The following AUTS2 variants were observed in gnomAD, a reference collection of about 807,000 sequenced individuals.
AUTS2 encodes the protein activator of transcription and developmental regulator AUTS2.
In AUTS2, 17 loss-of-function variants were observed where a neutral mutation model predicts 112.4. The observed-to-expected ratio is 0.15, with a 90% CI of 0.10 to 0.23. AUTS2 has a LOEUF of 0.23. Among genes scored for constraint, AUTS2 ranks in the 10% least tolerant of loss-of-function variants. The pLI, the probability that AUTS2 is intolerant of heterozygous loss-of-function variation, is 1.00. For synonymous variants in AUTS2, 751 were observed against 702.7 expected (o/e 1.07, Z -1.09); for missense variants, 1,510 against 1,701.6 (o/e 0.89, Z 1.98).
intron 5 of AUTS2, among the ~76,000 whole-genome samples, chr7:70,614,740 G>A (rs867116516): frequency 6.6e-6 from 1 of 152,192 alleles, no homozygotes; most frequent in African/African-American, 2.4e-5. Flanking sequence ...CGGGGAGCAC[G>A]GCAGCAGAAC....
At chr7:69,662,147 T>C (rs1345131217) in intron 1 of AUTS2, among the ~76,000 whole-genome samples, 2 of 152,058 alleles carry the variant, frequency 1.3e-5, no homozygotes, top group Non-Finnish European at 2.9e-5. Flanking sequence ...AAAGAAACTC[T>C]TTCCTAATAA....
At chr7:70,195,067 G>A (rs1013818012) in intron 4 of AUTS2, among the ~76,000 whole-genome samples, 4 of 152,032 alleles carry the variant, frequency 2.6e-5, no homozygotes, top group Admixed American at 6.6e-5. Context: ...TGGCAGAAAC[G>A]CCATCTTAAA....
At chr7:70,691,112 T>A (rs189980336) in intron 5 of AUTS2, among the ~76,000 whole-genome samples, 169 of 152,334 alleles carry the variant, frequency 1.1e-3, no homozygotes, top group Non-Finnish European at 1.5e-3. Flanking sequence ...ACATTTTTTT[T>A]AAACTGATTA....
At chr7:70,580,599 T>C (rs1464397009) in intron 5 of AUTS2, among the ~76,000 whole-genome samples, 2 of 152,228 alleles carry the variant, frequency 1.3e-5, no homozygotes, top group Non-Finnish European at 2.9e-5. Context: ...GGTCTTCTGT[T>C]CGTCAACCTT....
At chr7:70,139,301 A>G (rs542307965) in intron 4 of AUTS2, among the ~76,000 whole-genome samples, 2 of 152,304 alleles carry the variant, frequency 1.3e-5, no homozygotes, top group South Asian at 2.1e-4. Context: ...TATTCTGTCT[A>G]ACCATAGTTG....
At chr7:70,668,429 G>C (rs1015576583) in intron 5 of AUTS2, among the ~76,000 whole-genome samples, 2 of 152,230 alleles carry the variant, frequency 1.3e-5, no homozygotes, top group Non-Finnish European at 2.9e-5. Context: ...CAAATTGCCA[G>C]CTCCCTGTGG....
At chr7:70,393,342 A>G (rs1331041272) in intron 4 of AUTS2, among the ~76,000 whole-genome samples, 1 of 152,156 alleles carries the variant, frequency 6.6e-6, no homozygotes, top group Non-Finnish European at 1.5e-5. Flanking sequence ...GAAGAGAGGA[A>G]TTGGTGTTTT....
At chr7:69,604,705 A>G (rs1792617351) in intron 1 of AUTS2, among the ~76,000 whole-genome samples, 1 of 152,234 alleles carries the variant, frequency 6.6e-6, no homozygotes, top group Admixed American at 6.5e-5. Flanking sequence ...GCTGGTGGAA[A>G]TGAGTACAAA....
chr7:69,864,144 A>G (rs1005651547), intron 1 of AUTS2, among the ~76,000 whole-genome samples: 3 of 152,228 alleles, frequency 2.0e-5, no homozygotes, highest in Non-Finnish European at 4.4e-5. Flanking sequence ...AGCAGGTGCC[A>G]TGCCTCCAAT....
intron 5 of AUTS2, among the ~76,000 whole-genome samples, chr7:70,582,029 C>T (rs1447662720): frequency 6.7e-6 from 1 of 149,580 alleles, no homozygotes; most frequent in Non-Finnish European, 1.5e-5. Context: ...CTTGTCTTAC[C>T]CAACCCACTT....
chr7:70,553,760 CT>C (rs71531706), intron 5 of AUTS2, among the ~76,000 whole-genome samples: 11,272 of 56,824 alleles, frequency 0.2, 209 homozygotes, highest in Admixed American at 0.26. Context: ...GCCTTTCTTT[CT>C]TTTTTTTTTT....
chr7:70,420,233 C>T (rs956538731), intron 4 of AUTS2, among the ~76,000 whole-genome samples: 8 of 152,226 alleles, frequency 5.3e-5, no homozygotes, highest in Non-Finnish European at 7.3e-5. Context: ...GGGCAGACAA[C>T]GAGCATGCCT....
intron 1 of AUTS2, among the ~76,000 whole-genome samples, chr7:69,835,784 T>A (rs1387905694): frequency 6.6e-6 from 1 of 152,180 alleles, no homozygotes; most frequent in Non-Finnish European, 1.5e-5. Flanking sequence ...GAGACATTCG[T>A]TTCCTGGAAT....
chr7:69,984,591 C>T (rs935810153), intron 2 of AUTS2, among the ~76,000 whole-genome samples: 4 of 152,064 alleles, frequency 2.6e-5, no homozygotes, highest in South Asian at 2.1e-4. Flanking sequence ...GTTTGTTTCA[C>T]GTTACTTATC....
intron 5 of AUTS2, among the ~76,000 whole-genome samples, chr7:70,629,307 C>T (rs575632742): frequency 5.3e-5 from 8 of 152,226 alleles, no homozygotes; most frequent in Non-Finnish European, 8.8e-5. Flanking sequence ...CTCGTCTCTA[C>T]TAAAAATACA....
intron 6 of AUTS2, among the ~76,000 whole-genome samples, chr7:70,719,716 C>T (rs949199205): frequency 6.6e-6 from 1 of 152,176 alleles, no homozygotes; most frequent in African/African-American, 2.4e-5. Flanking sequence ...CCCGCCTCAG[C>T]CTCCCAAAGT....
At chr7:70,407,232 C>T (rs1362894833) in intron 4 of AUTS2, among the ~76,000 whole-genome samples, 1 of 152,134 alleles carries the variant, frequency 6.6e-6, no homozygotes, top group Non-Finnish European at 1.5e-5. Context: ...GAATCATAAT[C>T]AGATAGCCAG....
At chr7:69,849,668 T>C (rs1348877177) in intron 1 of AUTS2, among the ~76,000 whole-genome samples, 1 of 151,954 alleles carries the variant, frequency 6.6e-6, no homozygotes, top group Non-Finnish European at 1.5e-5. Flanking sequence ...TATGAAAATA[T>C]GAAATATATA....
chr7:69,911,448 T>C (rs1795355875), intron 2 of AUTS2, among the ~76,000 whole-genome samples: 1 of 152,204 alleles, frequency 6.6e-6, no homozygotes. Flanking sequence ...GTTTCAGCCC[T>C]GTTTGTGTTA....
Sources: allele counts gnomAD v4.1 joint callset (sites outside exome capture counted in the v4.1 genomes callset), GRCh38; gene constraint gnomAD v4.1.1; transcripts MANE v1.5; gene names NCBI Gene and HGNC (gene_info 2026-07-23, HGNC 2026-07-21).